METTL4: variants seen among roughly 807,000 people sequenced by gnomAD.
The protein encoded by METTL4 is N(6)-adenine-specific methyltransferase METTL4.
Under a neutral mutation model 54.0 loss-of-function variants are expected in METTL4, and 40 were observed. That is an observed-to-expected ratio of 0.74 (90% CI 0.58 to 0.96). The LOEUF (loss-of-function observed/expected upper bound fraction) is 0.96. Among genes scored for constraint, METTL4 ranks in the 50% least tolerant of loss-of-function variants. METTL4 has a pLI of 0.00. For missense variants in METTL4, 525 were observed against 549.0 expected, an observed-to-expected ratio of 0.96 and a Z score of 0.44; for synonymous variants, 169 against 183.8, an observed-to-expected ratio of 0.92 and a Z score of 0.65.
chr18:2,563,765 T>TC (rs778976174), intron 3 of METTL4, 32 bp downstream of exon 3: 1 of 1,478,156 alleles, frequency 6.8e-7, no homozygotes, highest in African/African-American at 1.4e-5. Context: ...ACATTAATCT[T>TC]CCAATGTGAT....
chr18:2,564,380 C>T (rs927562714), intron 2 of METTL4, among the ~76,000 whole-genome samples: 2 of 152,178 alleles, frequency 1.3e-5, no homozygotes, highest in African/African-American at 4.8e-5. Flanking sequence ...TAAAGTGTAG[C>T]ATCAGCACCC....
rs1190511635 is a variant in METTL4, at chr18:2,544,142, CT to C, written c.1273+52del. 5.6e-6 allele frequency: 8 copies of C among 1,436,222 alleles called. No homozygotes were observed. In the East Asian group the frequency reaches 6.9e-5, roughly 12 times the overall value. The allele number at this position is 1,436,222 out of a possible 1,614,324, so 89.0% of individuals were successfully genotyped here. ...AGGCCGTTTAAATACTAAATGTACA[CT>C]TTTTTTCAAATTTGACAAAAGTGAT... is the stretch of plus-strand genomic sequence containing the variant. On this transcript the variant is annotated intron_variant, in intron 8 of 8. Transcript: ENST00000574538.
At chr18:2,555,288 A>C (rs773802290) in intron 3 of METTL4, 33 of 464,836 alleles carry the variant, frequency 7.1e-5, no homozygotes, top group Non-Finnish European at 1.2e-4. Context: ...ATATATCCTC[A>C]AACATGTATA....
intron 3 of METTL4, among the ~76,000 whole-genome samples, chr18:2,556,010 C>G (rs1598350862): frequency 1.3e-5 from 2 of 152,194 alleles, no homozygotes; most frequent in South Asian, 2.1e-4. Flanking sequence ...GGAGATGGAG[C>G]TTGGAGTCTA....
At chr18:2,564,943 T>G (rs2072380920) in intron 2 of METTL4, among the ~76,000 whole-genome samples, 2 of 152,302 alleles carry the variant, frequency 1.3e-5, no homozygotes, top group South Asian at 4.1e-4. Flanking sequence ...ATGCTAAATA[T>G]TTTCTTTTCT....
rs1381758139 is a variant in METTL4 at position 2,567,396 on chromosome 18, T to G, written c.-180A>C. On this transcript the variant is annotated 5_prime_UTR_variant, in exon 2 of 9. Coordinates refer to ENST00000574538, the MANE Select transcript of METTL4 (RefSeq NM_022840.5). ...GAAGAGAATTTATCATTCATGATGT[T>G]AATATATACAGAAATTCTAAGGAAA... 4.5e-6 allele frequency: 2 copies of G among 446,692 alleles called. No homozygotes were observed. The highest frequency in any genetic ancestry group is 8.3e-5 in the Admixed American group (2 of 24,214). 27.7% of individuals were successfully genotyped at this position (446,692 alleles called of 1,614,324 possible).
At chr18:2,544,381 C>T (rs1288824550) in intron 7 of METTL4, 95 bp from the exon 8 acceptor site, 1 of 830,910 alleles carries the variant, frequency 1.2e-6, no homozygotes, top group Non-Finnish European at 1.8e-6. Context: ...CTTTCTGTAT[C>T]TGATTTTAAC....
At chr18:2,568,324 T>C (rs1487744704) in intron 1 of METTL4, 4 of 152,112 alleles carry the variant, frequency 2.6e-5, no homozygotes, top group African/African-American at 9.7e-5. Context: ...TATCTAAAGA[T>C]AGAAATAGTG....
rs2072501018 is a variant in METTL4 at position 2,571,217 on chromosome 18, A to G, written c.-507T>C. On this transcript the variant is annotated 5_prime_UTR_variant, in exon 1 of 9. Coordinates refer to ENST00000574538, the MANE Select transcript of METTL4 (RefSeq NM_022840.5). Reference sequence around the variant, plus strand: ...CCTCATGAAAACAGCACCCATCTAAATAGTGATCATGAAAAATGCCCCTTC... The same window carrying G: ...CCTCATGAAAACAGCACCCATCTAAGTAGTGATCATGAAAAATGCCCCTTC... 6.6e-6 allele frequency: 1 copy of G among 152,274 alleles called. No individual in the cohort carries two copies. The highest frequency in any genetic ancestry group is 2.1e-4 in the South Asian group (1 of 4,832). The allele number at this position is 152,274 out of a possible 1,614,324, so 9.4% of individuals were successfully genotyped here. A position where few individuals can be genotyped will look rare whatever the true frequency, so the allele number is the denominator to read the frequency against.
intron 3 of METTL4, among the ~76,000 whole-genome samples, chr18:2,560,436 T>G (rs918214511): frequency 1.3e-5 from 2 of 152,156 alleles, no homozygotes; most frequent in Non-Finnish European, 2.9e-5. Flanking sequence ...GAAGGAAAAC[T>G]TCTAGCTTCC....
At chr18:2,551,470 G>A (rs1157011866) in intron 5 of METTL4, among the ~76,000 whole-genome samples, 2 of 152,206 alleles carry the variant, frequency 1.3e-5, no homozygotes, top group East Asian at 3.9e-4. Flanking sequence ...TGGAGGCTGA[G>A]GCAGGAGGAT....
chr18:2,539,040 T>C lies in METTL4; in HGVS notation c.1379A>G (p.Gln460Arg). The C allele has an allele frequency of 6.2e-7, 1 of 1,614,050 alleles. No homozygotes were observed. Among genetic ancestry groups the C allele is most frequent in the South Asian group, 1.1e-5 (1 of 91,084 alleles). The change falls in exon 9 of 9, where the codon CAG becomes CGG. Residue 460 changes from glutamine (Q) to arginine (R), a missense_variant. Transcript: ENST00000574538. ...CACAGCAATAAAATAATCCACATGCTGAAATTTGAGAACTTCATTGCCCCA... is the reference window on the plus strand; with the variant it reads ...CACAGCAATAAAATAATCCACATGCCGAAATTTGAGAACTTCATTGCCCCA... Reference protein sequence around the residue: ...TSWGNEVLKFQHVDYFIAVES... With the variant: ...TSWGNEVLKFRHVDYFIAVES...
intron 3 of METTL4, among the ~76,000 whole-genome samples, chr18:2,560,309 A>G (rs2072297746): frequency 6.6e-6 from 1 of 152,192 alleles, no homozygotes; most frequent in Non-Finnish European, 1.5e-5. Flanking sequence ...ATCCACCACA[A>G]AAAGCAACAC....
intron 3 of METTL4, chr18:2,561,743 T>C (rs1213159463): frequency 6.6e-6 from 1 of 152,228 alleles, no homozygotes; most frequent in Non-Finnish European, 1.5e-5. Flanking sequence ...ATAATTTGTA[T>C]TTATGATTAA....
rs2072426274 is a variant in METTL4, at chr18:2,566,877, T to C, written c.340A>G (p.Lys114Glu). Residue 114 changes from lysine (K) to glutamate (E), a missense_variant, in exon 2 of 9, where the codon AAG becomes GAG. Coordinates refer to ENST00000574538, the MANE Select transcript of METTL4 (RefSeq NM_022840.5). ...TTAACACCATTCATCAGATCTTCCT[T>C]TTCATTACTTTGCTGGCATTCTTTA... is the stretch of plus-strand genomic sequence containing the variant. ...VHKECQQSNEKEDLMNGVKKE... is the reference protein window; with the variant it reads ...VHKECQQSNEEEDLMNGVKKE... 6.2e-7 allele frequency: 1 copy of C among 1,611,070 alleles called. No individual in the cohort carries two copies. The highest frequency in any genetic ancestry group is 1.1e-5 in the South Asian group (1 of 90,562).
chr18:2,537,933 G>C lies in METTL4; in HGVS notation c.*1067C>G, dbSNP rs2071935065. Reference sequence around the variant, plus strand: ...AGGAGCAGGGGATTGACTGCAAAAGGAAAAATGAGAAGTTTTCAGGGTAAA... The same window carrying C: ...AGGAGCAGGGGATTGACTGCAAAAGCAAAAATGAGAAGTTTTCAGGGTAAA... On this transcript the variant is annotated 3_prime_UTR_variant, in exon 9 of 9. Coordinates refer to ENST00000574538, the MANE Select transcript of METTL4 (RefSeq NM_022840.5). 1 of 398,472 alleles carries C rather than the reference G, an allele frequency of 2.5e-6. No individual in the cohort carries two copies. Among genetic ancestry groups the C allele is most frequent in the Middle Eastern group, 6.3e-4 (1 of 1,588 alleles). The allele number at this position is 398,472 out of a possible 1,614,324, so 24.7% of individuals were successfully genotyped here. A position where few individuals can be genotyped will look rare whatever the true frequency, so the allele number is the denominator to read the frequency against.
intron 3 of METTL4, 194 bp from the exon 4 acceptor site, chr18:2,555,232 C>A (rs2072222210): frequency 1.7e-6 from 1 of 588,130 alleles, no homozygotes; most frequent in Non-Finnish European, 2.9e-6. Flanking sequence ...GTGAAACAAC[C>A]CTCACAAATT....
At chr18:2,539,387 G>A (rs576107333) in intron 8 of METTL4, among the ~76,000 whole-genome samples, 1 of 151,962 alleles carries the variant, frequency 6.6e-6, no homozygotes, top group Non-Finnish European at 1.5e-5. Context: ...GGTTTCATTT[G>A]TAGATGAGAA....
chr18:2,569,986 T>A lies in METTL4; in HGVS notation c.-439+1163A>T, dbSNP rs74337507. 0.01 allele frequency among the ~76,000 whole-genome samples: 1,557 copies of A among 152,220 alleles called. 75 individuals are homozygous for A. The East Asian group carries it at 0.13, about 13-fold the overall frequency. On this transcript the variant is annotated intron_variant, in intron 1 of 8. Transcript: ENST00000574538. ...TCAGGTTTTGATATGGTGAAAAGAG[T>A]CACCAGGGTTATTCAGACACCCCGG...
Sources: allele counts gnomAD v4.1 joint callset (sites outside exome capture counted in the v4.1 genomes callset), GRCh38; gene constraint gnomAD v4.1.1; transcripts MANE v1.5; gene names NCBI Gene and HGNC (gene_info 2026-07-23, HGNC 2026-07-21).